Variants in SERPINA7 observed in about 807,000 individuals in gnomAD.
SERPINA7 encodes the protein serpin family A member 7.
Under a neutral mutation model 16.0 loss-of-function variants are expected in SERPINA7, and 14 were observed. The ratio of observed to expected loss-of-function variants is 0.88; its 90% CI spans 0.58 to 1.37. The LOEUF is 1.37. Among genes scored for constraint, SERPINA7 ranks in the 40% most tolerant of loss-of-function variants. The probability of loss-of-function intolerance (pLI) is 0.00; values close to 1 mark genes in which losing one functional copy is unlikely to be tolerated. For synonymous variants in SERPINA7, 140 were observed against 111.0 expected (o/e 1.26, Z -1.65); for missense variants, 335 against 296.6 (o/e 1.13, Z -0.95).
rs753298452 is a variant in SERPINA7, at chrX:106,033,474, C to A, written c.*26G>T. On this transcript the variant is annotated 3_prime_UTR_variant, in exon 5 of 5. Coordinates refer to ENST00000372563, the MANE Select transcript of SERPINA7 (RefSeq NM_000354.6). ...TATTTCCCATTGCAATACACACGTG[C>A]AATTAGCCAATGGCCTTTTTCCCAA... 4.2e-6 allele frequency: 5 copies of A among 1,204,460 alleles called. No homozygotes were observed. The East Asian group carries it at 1.5e-4, about 36-fold the overall frequency.
At chrX:106,034,969 G>A in intron 3 of SERPINA7, 143 bp downstream of exon 3, 1 of 728,503 alleles carries the variant, frequency 1.4e-6, no homozygotes, top group Non-Finnish European at 2.2e-6. Context: ...CTGGTAGACA[G>A]TATTTTCTTG....
chrX:106,035,244 G>C lies in SERPINA7; in HGVS notation c.764C>G (p.Thr255Arg). 1 of 1,211,296 alleles carries C rather than the reference G, an allele frequency of 8.3e-7. No homozygotes were observed. The highest frequency in any genetic ancestry group is 1.1e-6 in the Non-Finnish European group (1 of 895,181). ...CTTGCTGTAGTCCATTTGCAGAACT[G>C]TGCAGTTCAATTCCATATCCACTAG... ...YHLVDMELNC[T>R]VLQMDYSKNA... Residue 255 changes from threonine to arginine, a missense_variant, in exon 3 of 5, where the codon ACA becomes AGA. By Grantham distance (71) the Thr-to-Arg change is moderately conservative. Transcript: ENST00000372563.
At chrX:106,036,330 T>C (rs903018501) in intron 2 of SERPINA7, 107 bp downstream of exon 2, 15 of 826,159 alleles carry the variant, frequency 1.8e-5, no homozygotes, top group South Asian at 8.5e-5. Flanking sequence ...ATCACTGTGG[T>C]ATGAGGGACA....
intron 1 of SERPINA7, among the ~76,000 whole-genome samples, chrX:106,037,938 G>A (rs982985178): frequency 1.8e-5 from 2 of 111,223 alleles, no homozygotes; most frequent in African/African-American, 6.5e-5. Flanking sequence ...AATGAAAGTG[G>A]ACATGTGTGC....
chrX:106,033,265 T>C lies in SERPINA7; in HGVS notation c.*235A>G. On this transcript the variant is annotated 3_prime_UTR_variant, in exon 5 of 5. Transcript: ENST00000372563. ...AGGGGTATTCTGACAAAGAGAAATATACAAACATAGAGCCTTCCTATGCTT... is the reference window on the plus strand; with the variant it reads ...AGGGGTATTCTGACAAAGAGAAATACACAAACATAGAGCCTTCCTATGCTT... The C allele has an allele frequency of 2.4e-6, 1 of 414,767 alleles. No individual in the cohort carries two copies. Among genetic ancestry groups the C allele is most frequent in the Non-Finnish European group, 4.2e-6 (1 of 237,151 alleles). 34.2% of individuals were successfully genotyped at this position (414,767 alleles called of 1,213,427 possible).
chrX:106,035,947 A>C (rs1321933636), intron 2 of SERPINA7, among the ~76,000 whole-genome samples: 1 of 112,442 alleles, frequency 8.9e-6, no homozygotes, highest in Non-Finnish European at 1.9e-5. Context: ...TTAACTGTGT[A>C]AACTTGGACA....
intron 1 of SERPINA7, among the ~76,000 whole-genome samples, chrX:106,037,879 C>T (rs181282677): frequency 7.9e-4 from 88 of 111,176 alleles, no homozygotes; most frequent in African/African-American, 2.8e-3. Flanking sequence ...GTTCTCTGAT[C>T]CTGAAAGAGT....
At position 106,034,365 on chromosome X, in the gene SERPINA7, A is replaced by G. The variant is rs757265666; in HGVS notation, c.914T>C (p.Val305Ala). 1 of 1,206,213 alleles carries G rather than the reference A, an allele frequency of 8.3e-7. No homozygotes were observed. Among genetic ancestry groups the G allele is most frequent in the East Asian group, 3.0e-5 (1 of 33,690 alleles). ...LLQKGWVDLFVPKFSISATYD... is the reference protein window; with the variant it reads ...LLQKGWVDLFAPKFSISATYD... Reference sequence around the variant, plus strand: ...TGTGGCAGAAATGGAAAACTTTGGAACAAACAAGTCAACCCATCTGTGGGA... The same window carrying G: ...TGTGGCAGAAATGGAAAACTTTGGAGCAAACAAGTCAACCCATCTGTGGGA... Residue 305 changes from valine to alanine, a missense_variant, in exon 4 of 5, where the codon GTT (valine) becomes GCT (alanine). Physicochemically the swap from Val to Ala is moderately conservative, Grantham distance 64. Transcript: ENST00000372563.
In SERPINA7 at chrX:106,033,584, A is replaced by G. The variant is rs2041424124; in HGVS notation, c.1164T>C (p.Asp388=). Reference sequence around the variant, plus strand: ...CCAAAATCAACAACATGAAAGATCTATCAATTTGGATAATAGGGTGTAGGA... The same window carrying G: ...CCAAAATCAACAACATGAAAGATCTGTCAATTTGGATAATAGGGTGTAGGA... ...NTFLHPIIQI[D]RSFMLLILER... is the part of the protein sequence containing the mutation. The change falls in exon 5 of 5, where the codon GAT becomes GAC. Residue 388 remains aspartate, a synonymous_variant. Coordinates refer to ENST00000372563, the MANE Select transcript of SERPINA7 (RefSeq NM_000354.6). The G allele has an allele frequency of 1.7e-6, 2 of 1,209,234 alleles. No homozygotes were observed. Among genetic ancestry groups the G allele is most frequent in the Non-Finnish European group, 2.2e-6 (2 of 894,398 alleles).
At chrX:106,035,509 C>T in intron 2 of SERPINA7, 124 bp from the exon 3 acceptor site, 3 of 656,755 alleles carry the variant, frequency 4.6e-6, no homozygotes, top group Non-Finnish European at 7.1e-6. Context: ...TACAGTCAAC[C>T]AGTTTTACAA....
chrX:106,035,520 G>A, intron 2 of SERPINA7, 135 bp from the exon 3 acceptor site: 1 of 606,690 alleles, frequency 1.6e-6, no homozygotes, highest in Non-Finnish European at 2.6e-6. Flanking sequence ...AGTTTTACAA[G>A]TGACTGAGGA....
Position 106,036,929 on chromosome X carries a change from A to G in SERPINA7, c.130T>C (p.Ser44Pro). ...TTGAATGCAAAGTCAGCATTAATGG[A>G]TGACATCTTGTAGAGAGTGGCATTT... ...QPNATLYKMS[S>P]INADFAFNLY... Residue 44 changes from serine to proline, a missense_variant, in exon 2 of 5, where the codon TCC becomes CCC. Coordinates refer to ENST00000372563, the MANE Select transcript of SERPINA7 (RefSeq NM_000354.6). The G allele has an allele frequency of 8.3e-7, 1 of 1,211,309 alleles. No homozygotes were observed. The highest frequency in any genetic ancestry group is 1.1e-6 in the Non-Finnish European group (1 of 895,217).
chrX:106,033,807 G>T, intron 4 of SERPINA7, 104 bp from the exon 5 acceptor site: 1 of 1,178,287 alleles, frequency 8.5e-7, no homozygotes, highest in South Asian at 1.8e-5. Flanking sequence ...CCGCCCCTTT[G>T]CTATACTATG....
chrX:106,035,010 G>T, intron 3 of SERPINA7, 102 bp downstream of exon 3: 1 of 940,922 alleles, frequency 1.1e-6, no homozygotes, highest in Non-Finnish European at 1.5e-6. Context: ...ATAGCTGTTG[G>T]GTAGTTCAGG....
chrX:106,033,846 C>T, intron 4 of SERPINA7, 143 bp from the exon 5 acceptor site: 3 of 1,063,439 alleles, frequency 2.8e-6, no homozygotes, highest in Non-Finnish European at 3.8e-6. Context: ...GAAGTTTCCT[C>T]TGCTAAATGT....
At chrX:106,033,730 G>C in intron 4 of SERPINA7, 27 bp from the exon 5 acceptor site, 1 of 1,210,893 alleles carries the variant, frequency 8.3e-7, no homozygotes, top group East Asian at 3.0e-5. Flanking sequence ...AATCCTGCGG[G>C]TCTCTGAAGA....
chrX:106,037,710 A>G (rs2041462715), intron 1 of SERPINA7, among the ~76,000 whole-genome samples: 1 of 111,873 alleles, frequency 8.9e-6, no homozygotes, highest in Non-Finnish European at 1.9e-5. Flanking sequence ...CCAGAAAATG[A>G]AAGAATAATT....
Position 106,036,525 on chromosome X carries a change from C to G in SERPINA7, c.534G>C (p.Glu178Asp), listed in dbSNP as rs757962120. The G allele has an allele frequency of 4.1e-6, 5 of 1,211,036 alleles. No individual in the cohort carries two copies. In the Admixed American group the frequency reaches 8.7e-5, roughly 21 times the overall value. The change falls in exon 2 of 5, where the codon GAG (glutamate) becomes GAC (aspartate). Residue 178 changes from glutamate to aspartate, a missense_variant. Transcript: ENST00000372563. ...AAKQEINSHV[E>D]MQTKGKVVGL... ...CCACAACTTTCCCTTTGGTTTGCAT[C>G]TCCACATGACTGTTAATCTCCTGCT...
At position 106,035,247 on chromosome X, in the gene SERPINA7, C is replaced by A; in HGVS notation, c.761G>T (p.Cys254Phe). 8.3e-7 allele frequency: 1 copy of A among 1,211,270 alleles called. No homozygotes were observed. The highest frequency in any genetic ancestry group is 1.1e-6 in the Non-Finnish European group (1 of 895,159). Residue 254 changes from cysteine (C) to phenylalanine (F), a missense_variant, in exon 3 of 5, where the codon TGC (cysteine) becomes TTC (phenylalanine). By Grantham distance (205) the Cys-to-Phe change is radical (BLOSUM62 -2). Coordinates refer to ENST00000372563, the MANE Select transcript of SERPINA7 (RefSeq NM_000354.6). ...GCTGTAGTCCATTTGCAGAACTGTG[C>A]AGTTCAATTCCATATCCACTAGGTG... Reference protein sequence around the residue: ...YYHLVDMELNCTVLQMDYSKN... With the variant: ...YYHLVDMELNFTVLQMDYSKN...
Sources: allele counts gnomAD v4.1 joint callset (sites outside exome capture counted in the v4.1 genomes callset), GRCh38; gene constraint gnomAD v4.1.1; transcripts MANE v1.5; gene names NCBI Gene and HGNC (gene_info 2026-07-23, HGNC 2026-07-21).